The following NRXN1 variants were observed in gnomAD, a reference collection of about 807,000 sequenced individuals.
NRXN1 encodes neurexin 1.
NRXN1 carries 39 observed loss-of-function variants against 150.9 expected under a neutral mutation model. That is an observed-to-expected ratio of 0.26 (90% CI 0.20 to 0.34). NRXN1 has a LOEUF of 0.34. NRXN1 is among the 10% of genes least tolerant of loss of function. NRXN1 has a pLI of 1.00. For synonymous variants in NRXN1, 924 were observed against 757.0 expected, an observed-to-expected ratio of 1.22 and a Z score of -3.62; for missense variants, 1,815 against 1,949.9, an observed-to-expected ratio of 0.93 and a Z score of 1.30.
chr2:50,900,807 T>C (rs1335199519), intron 5 of NRXN1, among the ~76,000 whole-genome samples: 2 of 152,028 alleles, frequency 1.3e-5, no homozygotes, highest in Non-Finnish European at 2.9e-5. Flanking sequence ...CTGGCAGGAA[T>C]GATGTAATGC....
At chr2:50,716,294 C>A (rs1574220464) in intron 5 of NRXN1, among the ~76,000 whole-genome samples, 2 of 151,968 alleles carry the variant, frequency 1.3e-5, no homozygotes, top group South Asian at 4.1e-4. Context: ...TAGAAGGCTA[C>A]CACAGATTAA....
intron 5 of NRXN1, among the ~76,000 whole-genome samples, chr2:50,797,316 G>C (rs1706972364): frequency 6.6e-6 from 1 of 152,088 alleles, no homozygotes; most frequent in African/African-American, 2.4e-5. Context: ...TCCAGGTGTA[G>C]ACAGTAGTTC....
intron 5 of NRXN1, among the ~76,000 whole-genome samples, chr2:50,734,774 T>C (rs1271644693): frequency 2.0e-5 from 3 of 151,126 alleles, no homozygotes; most frequent in African/African-American, 4.9e-5. Context: ...AAAAACTCTG[T>C]GTTGGCTAAA....
At chr2:50,937,895 G>A (rs1311520922) in intron 2 of NRXN1, among the ~76,000 whole-genome samples, 6 of 152,102 alleles carry the variant, frequency 3.9e-5, no homozygotes, top group East Asian at 1.9e-4. Flanking sequence ...ATAATAGGGT[G>A]TACTTGAACA....
At chr2:50,367,582 C>G (rs1180595240) in intron 17 of NRXN1, among the ~76,000 whole-genome samples, 1 of 152,010 alleles carries the variant, frequency 6.6e-6, no homozygotes, top group Non-Finnish European at 1.5e-5. Flanking sequence ...GGAAACAAGT[C>G]TTTGGGCTTA....
chr2:50,451,740 G>A (rs2086986109), intron 17 of NRXN1, among the ~76,000 whole-genome samples: 1 of 152,130 alleles, frequency 6.6e-6, no homozygotes. Flanking sequence ...TTTGAAATGA[G>A]TTCTAATTCT....
At chr2:49,971,779 T>G (rs1027900152) in intron 21 of NRXN1, among the ~76,000 whole-genome samples, 14 of 152,176 alleles carry the variant, frequency 9.2e-5, no homozygotes, top group Admixed American at 3.3e-4. Flanking sequence ...TTGGCTTTAT[T>G]CTTCAACTTT....
intron 22 of NRXN1, among the ~76,000 whole-genome samples, chr2:49,941,999 GTTGTT>G: frequency 6.6e-6 from 1 of 152,088 alleles, no homozygotes; most frequent in East Asian, 1.9e-4. Context: ...TTTTTTTGTT[GTTGTT>G]GTTGCTAACT....
rs1163315598 is a variant in NRXN1 at position 49,995,780 on chromosome 2, CAA to C, written c.4129-51991_4129-51990del. On this transcript the variant is annotated intron_variant, in intron 21 of 22. Coordinates refer to ENST00000401669, the MANE Select transcript of NRXN1 (RefSeq NM_001330078.2). ...TGAGCGACAGAGCGAGACTCCGTCT[CAA>C]AAAAAAAAAAAAAAAAAAAAGATAG... 3.6e-3 allele frequency among the ~76,000 whole-genome samples: 131 copies of C among 36,382 alleles called. 1 individual carries two copies. The highest frequency in any genetic ancestry group is 0.012 in the African/African-American group (127 of 10,324). 23.9% of individuals were successfully genotyped at this position (36,382 alleles called of 152,430 possible).
At chr2:50,245,658 T>C (rs10469874) in intron 17 of NRXN1, among the ~76,000 whole-genome samples, 62,598 of 151,650 alleles carry the variant, frequency 0.41, 13,111 homozygotes, top group Middle Eastern at 0.46. Context: ...TTTAACTTAC[T>C]TATTTCAAAG....
At chr2:50,191,767 C>T (rs1481826369) in intron 18 of NRXN1, among the ~76,000 whole-genome samples, 8 of 152,090 alleles carry the variant, frequency 5.3e-5, no homozygotes, top group Non-Finnish European at 1.2e-4. Context: ...TAGTTTATTC[C>T]TTTTTATTGT....
intron 5 of NRXN1, among the ~76,000 whole-genome samples, chr2:50,689,879 TGTGTGTG>T (rs1691822097): frequency 6.6e-6 from 1 of 151,312 alleles, no homozygotes; most frequent in African/African-American, 2.4e-5. Flanking sequence ...TGTGTGTGTG[TGTGTGTG>T]TGTGTGTGTG....
chr2:50,596,080 C>T (rs1675153942), intron 8 of NRXN1, among the ~76,000 whole-genome samples: 2 of 152,284 alleles, frequency 1.3e-5, no homozygotes, highest in South Asian at 4.1e-4. Flanking sequence ...TATGATCAGG[C>T]ATCAGAAGCT....
intron 18 of NRXN1, among the ~76,000 whole-genome samples, chr2:50,166,363 A>G (rs1269884877): frequency 6.6e-6 from 1 of 150,444 alleles, no homozygotes; most frequent in Non-Finnish European, 1.5e-5. Context: ...AAAAGCCACT[A>G]AGAATGCCCT....
Position 50,631,787 on chromosome 2 carries a change from A to G in NRXN1, c.833-8172T>C, listed in dbSNP as rs74443194. On this transcript the variant is annotated intron_variant, in intron 5 of 22. Transcript: ENST00000401669. ...TACATATAAAATGAGACACACAGGGAAAGGAATGAACAAATGATCCTGGAA... is the reference window on the plus strand; with the variant it reads ...TACATATAAAATGAGACACACAGGGGAAGGAATGAACAAATGATCCTGGAA... Among the ~76,000 whole-genome samples the G allele has an allele frequency of 5.3e-5, 8 of 151,892 alleles. 1 individual carries two copies. The East Asian group carries it at 1.5e-3, about 29-fold the overall frequency.
intron 21 of NRXN1, among the ~76,000 whole-genome samples, chr2:50,047,127 A>T (rs958634389): frequency 6.6e-6 from 1 of 152,148 alleles, no homozygotes; most frequent in African/African-American, 2.4e-5. Context: ...TAAGACTATG[A>T]GAAAGCAGGA....
intron 18 of NRXN1, among the ~76,000 whole-genome samples, chr2:50,131,324 A>T (rs1265367699): frequency 1.3e-5 from 2 of 152,192 alleles, no homozygotes; most frequent in Non-Finnish European, 2.9e-5. Context: ...CCATTGATAA[A>T]ACCTTACTGT....
At chr2:49,943,365 A>G (rs1421623540) in intron 22 of NRXN1, among the ~76,000 whole-genome samples, 3 of 152,216 alleles carry the variant, frequency 2.0e-5, no homozygotes, top group Non-Finnish European at 4.4e-5. Context: ...GCAAATTTTT[A>G]GCTTTATAAT....
intron 5 of NRXN1, among the ~76,000 whole-genome samples, chr2:50,828,390 G>A (rs1351813616): frequency 6.6e-6 from 1 of 151,530 alleles, no homozygotes; most frequent in African/African-American, 2.4e-5. Flanking sequence ...CTCCCTCCCA[G>A]ACGGGGTGGC....
Sources: allele counts gnomAD v4.1 joint callset (sites outside exome capture counted in the v4.1 genomes callset), GRCh38; gene constraint gnomAD v4.1.1; transcripts MANE v1.5; gene names NCBI Gene and HGNC (gene_info 2026-07-23, HGNC 2026-07-21).